The following DUSP22 variants were observed in gnomAD, a reference collection of about 807,000 sequenced individuals.
The protein encoded by DUSP22 is dual specificity phosphatase 22, also known as dual specificity protein phosphatase 22.
Under a neutral mutation model 24.5 loss-of-function variants are expected in DUSP22, and 24 were observed. The observed-to-expected ratio is 0.98, with a 90% confidence interval of 0.71 to 1.38. The LOEUF is 1.38. Among genes scored for constraint, DUSP22 ranks in the 40% most tolerant of loss-of-function variants. The pLI, the probability that DUSP22 is intolerant of heterozygous loss-of-function variation, is 0.00. For synonymous variants in DUSP22, 160 were observed against 106.4 expected, an observed-to-expected ratio of 1.50 and a Z score of -3.10; for missense variants, 330 against 269.2, an observed-to-expected ratio of 1.23 and a Z score of -1.58.
Position 350,382 on chromosome 6 carries a change from CAG to C in DUSP22, c.*1434_*1435del. 3.7e-6 allele frequency: 4 copies of C among 1,087,632 alleles called. No homozygotes were observed. Among genetic ancestry groups the C allele is most frequent in the South Asian group, 2.6e-5 (1 of 38,292 alleles). 67.4% of individuals were successfully genotyped at this position (1,087,632 alleles called of 1,614,324 possible). ...TACCGACTCAGATTCCTTAAGCATG[CAG>C]AGTCACTCGAATGAAAAAACATACT... On this transcript the variant is annotated 3_prime_UTR_variant, in exon 7 of 7. Coordinates refer to ENST00000419235, the MANE Select transcript of DUSP22 (RefSeq NM_001286555.3).
At chr6:343,760 G>A (rs1759727803) in intron 4 of DUSP22, among the ~76,000 whole-genome samples, 2 of 85,004 alleles carry the variant, frequency 2.4e-5, no homozygotes, top group East Asian at 5.8e-4. Flanking sequence ...ATCTCACTGA[G>A]CACCTGCCGT....
In DUSP22 at chr6:350,578, C is replaced by A; in HGVS notation, c.*1627C>A. 1 of 1,412,452 alleles carries A rather than the reference C, an allele frequency of 7.1e-7. No individual in the cohort carries two copies. The highest frequency in any genetic ancestry group is 9.2e-7 in the Non-Finnish European group (1 of 1,087,144). 87.5% of individuals were successfully genotyped at this position (1,412,452 alleles called of 1,614,324 possible). A position where few individuals can be genotyped will look rare whatever the true frequency, so the allele number is the denominator to read the frequency against. On this transcript the variant is annotated 3_prime_UTR_variant, in exon 7 of 7. Transcript: ENST00000419235. ...GCCTGATTCCGCGCAGGTGCACAGGCCCCGGATGTACACCCGGAAAGGGGA... is the reference window on the plus strand; with the variant it reads ...GCCTGATTCCGCGCAGGTGCACAGGACCCGGATGTACACCCGGAAAGGGGA...
chr6:348,740 C>A, intron 6 of DUSP22, 29 bp from the exon 7 acceptor site: 1 of 1,613,780 alleles, frequency 6.2e-7, no homozygotes, highest in Non-Finnish European at 8.5e-7. Context: ...ATGTGTGTGA[C>A]GTTTCGGGTT....
At chr6:308,778 G>A (rs908493251) in intron 2 of DUSP22, among the ~76,000 whole-genome samples, 1 of 152,310 alleles carries the variant, frequency 6.6e-6, no homozygotes, top group Non-Finnish European at 1.5e-5. Flanking sequence ...CCGTATTATG[G>A]TATGTGAATT....
intron 3 of DUSP22, among the ~76,000 whole-genome samples, chr6:332,146 C>T (rs988549269): frequency 4.6e-5 from 7 of 152,298 alleles, no homozygotes; most frequent in Non-Finnish European, 7.3e-5. Flanking sequence ...TGCTGTGTGC[C>T]GGGCACCCTT....
chr6:316,298 C>T (rs1000103756), intron 3 of DUSP22, among the ~76,000 whole-genome samples: 2 of 152,310 alleles, frequency 1.3e-5, no homozygotes, highest in African/African-American at 4.8e-5. Context: ...ATCAAAACTT[C>T]GGAGCACATG....
Position 296,361 on chromosome 6 carries a change from C to G in DUSP22, c.21+3801C>G, listed in dbSNP as rs573042767. Reference sequence around the variant, plus strand: ...TTCATGCCTGTTTTCTGGTTGTACACAGAGGCTAAGGGAACTGCCAGGGTC... The same window carrying G: ...TTCATGCCTGTTTTCTGGTTGTACAGAGAGGCTAAGGGAACTGCCAGGGTC... On this transcript the variant is annotated intron_variant, in intron 1 of 6. Coordinates refer to ENST00000419235, the MANE Select transcript of DUSP22 (RefSeq NM_001286555.3). 1.4e-4 allele frequency among the ~76,000 whole-genome samples: 22 copies of G among 152,414 alleles called. No individual in the cohort carries two copies. In the East Asian group the frequency reaches 4.2e-3, roughly 29 times the overall value.
At position 292,709 on chromosome 6, in the gene DUSP22, G is replaced by T; in HGVS notation, c.21+149G>T. On this transcript the variant is annotated intron_variant, in intron 1 of 6. Coordinates refer to ENST00000419235, the MANE Select transcript of DUSP22 (RefSeq NM_001286555.3). ...GGGAGGGGCGGCGCGCCTGGGCGGC[G>T]ACCGCGGAGTCGGGGTTCGGAGGTG... is the stretch of plus-strand genomic sequence containing the variant. 2.4e-6 allele frequency: 3 copies of T among 1,248,538 alleles called. No individual in the cohort carries two copies. In the South Asian group the frequency reaches 4.9e-5, roughly 20 times the overall value. The allele number at this position is 1,248,538 out of a possible 1,614,324, so 77.3% of individuals were successfully genotyped here. A position where few individuals can be genotyped will look rare whatever the true frequency, so the allele number is the denominator to read the frequency against.
intron 1 of DUSP22, among the ~76,000 whole-genome samples, chr6:296,171 G>A (rs369130462): frequency 2.9e-3 from 435 of 152,278 alleles, no homozygotes; most frequent in African/African-American, 9.6e-3. Flanking sequence ...GGTAATTACA[G>A]GCAAGAAACT....
chr6:343,404 G>C (rs974389865), intron 4 of DUSP22, among the ~76,000 whole-genome samples: 29 of 152,400 alleles, frequency 1.9e-4, no homozygotes, highest in African/African-American at 6.5e-4. Flanking sequence ...CTGCAGGGGT[G>C]CAGCTGGACG....
chr6:345,836 C>T lies in DUSP22; in HGVS notation c.189-18C>T. ...AGTAAAGTAGAGAGATGTCATTTCT[C>T]TTTTTTTCTTTTCCCAGGACAAGAC... On this transcript the variant is annotated intron_variant, in intron 4 of 6. Coordinates refer to ENST00000419235, the MANE Select transcript of DUSP22 (RefSeq NM_001286555.3). 2 of 1,613,768 alleles carry T rather than the reference C, an allele frequency of 1.2e-6. No homozygotes were observed. The highest frequency in any genetic ancestry group is 1.7e-6 in the Non-Finnish European group (2 of 1,179,798).
chr6:324,504 C>T (rs557674804), intron 3 of DUSP22, among the ~76,000 whole-genome samples: 18 of 152,422 alleles, frequency 1.2e-4, no homozygotes, highest in Admixed American at 5.9e-4. Flanking sequence ...TGAGGAGAAA[C>T]AGAAGAGCCG....
At chr6:304,588 G>A (rs371110899) in intron 1 of DUSP22, 40 bp from the exon 2 acceptor site, 1 of 1,614,160 alleles carries the variant, frequency 6.2e-7, no homozygotes, top group South Asian at 1.1e-5. Flanking sequence ...CATCCACTTA[G>A]AGTCTGCCAT....
At chr6:333,231 A>AG (rs1242826990) in intron 3 of DUSP22, among the ~76,000 whole-genome samples, 2 of 152,296 alleles carry the variant, frequency 1.3e-5, no homozygotes, top group Non-Finnish European at 2.9e-5. Flanking sequence ...AAGGCAAAGG[A>AG]GGGAGAAGCT....
chr6:324,866 G>C (rs764058136), intron 3 of DUSP22, among the ~76,000 whole-genome samples: 2 of 152,308 alleles, frequency 1.3e-5, no homozygotes, highest in African/African-American at 2.4e-5. Flanking sequence ...CATCACCAGC[G>C]AGGGGCTCCG....
intron 1 of DUSP22, among the ~76,000 whole-genome samples, chr6:303,327 A>G (rs558363850): frequency 3.7e-4 from 57 of 152,356 alleles, no homozygotes; most frequent in Non-Finnish European, 7.2e-4. Flanking sequence ...GGACTGTCCC[A>G]GTTTGGCCGA....
chr6:301,764 C>CA (rs1248045743), intron 1 of DUSP22, among the ~76,000 whole-genome samples: 1 of 152,298 alleles, frequency 6.6e-6, no homozygotes, highest in Non-Finnish European at 1.5e-5. Context: ...CCATCAGGGG[C>CA]AGGAGGACTT....
intron 2 of DUSP22, among the ~76,000 whole-genome samples, chr6:306,129 G>A (rs1757805225): frequency 1.2e-4 from 18 of 152,310 alleles, no homozygotes; most frequent in Admixed American, 1.2e-3. Flanking sequence ...TGGTGAGTAG[G>A]CCAGGATACA....
At chr6:306,741 C>G (rs552418081) in intron 2 of DUSP22, among the ~76,000 whole-genome samples, 1 of 152,310 alleles carries the variant, frequency 6.6e-6, no homozygotes, top group Non-Finnish European at 1.5e-5. Flanking sequence ...ACAAGCTTAT[C>G]GGGAACACAC....
Sources: allele counts gnomAD v4.1 joint callset (sites outside exome capture counted in the v4.1 genomes callset), GRCh38; gene constraint gnomAD v4.1.1; transcripts MANE v1.5; gene names NCBI Gene and HGNC (gene_info 2026-07-23, HGNC 2026-07-21).